Variants in CFTR observed in about 807,000 individuals in gnomAD.
The protein encoded by CFTR is cystic fibrosis transmembrane conductance regulator.
In CFTR, 181 loss-of-function variants were observed where a neutral mutation model predicts 171.6. That is an observed-to-expected ratio of 1.05 (90% confidence interval 0.93 to 1.19). CFTR has a LOEUF of 1.19. Ranked by LOEUF, CFTR falls within the 50% of genes most tolerant of loss-of-function variation. CFTR has a pLI of 0.00. For synonymous variants in CFTR, 583 were observed against 608.0 expected, an observed-to-expected ratio of 0.96 and a Z score of 0.60; for missense variants, 1,968 against 1,734.7, an observed-to-expected ratio of 1.13 and a Z score of -2.39.
At chr7:117,609,524 T>A (rs925137915) in intron 18 of CFTR, among the ~76,000 whole-genome samples, 2 of 152,192 alleles carry the variant, frequency 1.3e-5, no homozygotes, top group Non-Finnish European at 2.9e-5. Context: ...GCGGACTTTG[T>A]ACCTTTTAAA....
chr7:117,493,363 A>T (rs577438325), intron 1 of CFTR, among the ~76,000 whole-genome samples: 22 of 152,204 alleles, frequency 1.4e-4, no homozygotes, highest in African/African-American at 4.6e-4. Context: ...TTTTATGAAA[A>T]AAAAGATGTA....
chr7:117,588,802 G>A (rs1562906720), intron 12 of CFTR, among the ~76,000 whole-genome samples: 1 of 152,192 alleles, frequency 6.6e-6, no homozygotes, highest in African/African-American at 2.4e-5. Flanking sequence ...AGCCATACAG[G>A]AAAATGGTAG....
chr7:117,590,337 T>C lies in CFTR; in HGVS notation c.1680-16T>C, dbSNP rs1792005750. 5.0e-6 allele frequency: 8 copies of C among 1,599,860 alleles called. No homozygotes were observed. The highest frequency in any genetic ancestry group is 6.8e-6 in the Non-Finnish European group (8 of 1,170,148). ...AATAGAGAGGAAATGTAATTTAATT[T>C]CCATTTTCTTTTTAGAGCAGTATAC... On this transcript the variant is annotated splice_polypyrimidine_tract_variant and intron_variant, in intron 12 of 26. Coordinates refer to ENST00000003084, the MANE Select transcript of CFTR (RefSeq NM_000492.4).
chr7:117,588,068 A>G (rs1357505740), intron 12 of CFTR, among the ~76,000 whole-genome samples: 5 of 152,016 alleles, frequency 3.3e-5, no homozygotes, highest in Admixed American at 3.3e-4. Flanking sequence ...GTGTCAGTGT[A>G]TTTGTTTGCC....
intron 3 of CFTR, among the ~76,000 whole-genome samples, chr7:117,515,109 A>G (rs1448066666): frequency 1.3e-5 from 2 of 151,752 alleles, no homozygotes. Context: ...TTGCCTGTTC[A>G]CTCTGATGAT....
At position 117,592,577 on chromosome 7, in the gene CFTR, G is replaced by A. The variant is rs1792049376; in HGVS notation, c.2410G>A (p.Glu804Lys). Residue 804 changes from glutamate to lysine, a missense_variant, in exon 14 of 27, where the codon GAA (glutamate) becomes AAA (lysine). By Grantham distance (56) the Glu-to-Lys change is moderately conservative (BLOSUM62 1). Coordinates refer to ENST00000003084, the MANE Select transcript of CFTR (RefSeq NM_000492.4). ...VSLAPQANLT[E>K]LDIYSRRLSQ... The stretch of plus-strand genomic sequence containing the variant: ...ACTGGCCCCTCAGGCAAACTTGACT[G>A]AACTGGATATATATTCAAGAAGGTT... The A allele has an allele frequency of 2.0e-6, 3 of 1,527,822 alleles. No individual in the cohort carries two copies. Among genetic ancestry groups the A allele is most frequent in the Non-Finnish European group, 2.6e-6 (3 of 1,142,976 alleles). 94.6% of individuals were successfully genotyped at this position (1,527,822 alleles called of 1,614,324 possible).
intron 3 of CFTR, among the ~76,000 whole-genome samples, chr7:117,509,758 G>T (rs1261073912): frequency 1.4e-4 from 22 of 152,062 alleles, no homozygotes; most frequent in Non-Finnish European, 1.5e-5. Flanking sequence ...TTCCCCAGTT[G>T]CTGTCCAATG....
chr7:117,535,154 G>C (rs940499118), intron 5 of CFTR, 94 bp from the exon 6 acceptor site: 23 of 1,327,618 alleles, frequency 1.7e-5, no homozygotes, highest in Non-Finnish European at 2.5e-5. Context: ...GATCATATAA[G>C]CTCCTTTTAC....
intron 2 of CFTR, 142 bp from the exon 3 acceptor site, chr7:117,508,892 G>A: frequency 1.5e-6 from 1 of 678,322 alleles, no homozygotes; most frequent in East Asian, 2.6e-5. Flanking sequence ...GTGTTGTATG[G>A]TCTCCATGAG....
chr7:117,570,949 G>A (rs1353440388), intron 11 of CFTR, among the ~76,000 whole-genome samples: 1 of 152,174 alleles, frequency 6.6e-6, no homozygotes, highest in Non-Finnish European at 1.5e-5. Context: ...CTAAGTAAGT[G>A]TATATTTGGG....
At chr7:117,560,444 T>A (rs1290152578) in intron 11 of CFTR, among the ~76,000 whole-genome samples, 3 of 152,126 alleles carry the variant, frequency 2.0e-5, no homozygotes, top group African/African-American at 4.8e-5. Flanking sequence ...AAAAGCAATA[T>A]CTTTGATAGT....
chr7:117,614,186 G>A (rs767311418), intron 20 of CFTR, among the ~76,000 whole-genome samples: 2 of 151,930 alleles, frequency 1.3e-5, no homozygotes, highest in East Asian at 1.9e-4. Context: ...ATGCTGTTTG[G>A]ACACTCTTCC....
chr7:117,628,733 G>A (rs899387332), intron 22 of CFTR, among the ~76,000 whole-genome samples: 3 of 152,190 alleles, frequency 2.0e-5, no homozygotes, highest in East Asian at 3.9e-4. Context: ...AACATTTAAT[G>A]CATTGTACAA....
At chr7:117,538,802 A>G (rs1798999638) in intron 7 of CFTR, among the ~76,000 whole-genome samples, 1 of 152,170 alleles carries the variant, frequency 6.6e-6, no homozygotes, top group African/African-American at 2.4e-5. Flanking sequence ...GGATGCCAAA[A>G]TCATAATCTG....
intron 1 of CFTR, among the ~76,000 whole-genome samples, chr7:117,480,989 A>C (rs1797993231): frequency 6.6e-6 from 1 of 152,238 alleles, no homozygotes; most frequent in Non-Finnish European, 1.5e-5. Context: ...TGAATGAATG[A>C]ATAGGTACTG....
At chr7:117,542,186 G>A (rs1470875374) in intron 9 of CFTR, 78 bp downstream of exon 9, 2 of 762,652 alleles carry the variant, frequency 2.6e-6, no homozygotes, top group Admixed American at 1.8e-5. Flanking sequence ...CATCCTAATG[G>A]CGAATAAAAT....
chr7:117,588,391 G>C (rs1052536010), intron 12 of CFTR, among the ~76,000 whole-genome samples: 16 of 152,116 alleles, frequency 1.1e-4, no homozygotes, highest in African/African-American at 3.6e-4. Flanking sequence ...TTTTAAAGCT[G>C]TCAAAGAGAT....
At chr7:117,564,718 T>C (rs1018586552) in intron 11 of CFTR, 1 of 167,082 alleles carries the variant, frequency 6.0e-6, no homozygotes, top group Non-Finnish European at 1.5e-5. Context: ...ATTTTTGTGT[T>C]TTTGTTCAAC....
intron 11 of CFTR, among the ~76,000 whole-genome samples, chr7:117,576,507 G>A (rs1380936521): frequency 6.6e-6 from 1 of 152,038 alleles, no homozygotes; most frequent in Non-Finnish European, 1.5e-5. Context: ...TCCACAGAGA[G>A]TCCTGGAACC....
Sources: gnomAD v4.1 joint callset for allele counts (sites outside exome capture counted in the v4.1 genomes callset) on GRCh38, gnomAD v4.1.1 for gene constraint, MANE v1.5 for transcripts, NCBI Gene and HGNC (gene_info 2026-07-23, HGNC 2026-07-21) for gene names.